FUNDC2: variants seen among roughly 807,000 people sequenced by gnomAD.
FUNDC2 encodes the protein FUN14 domain containing 2.
FUNDC2 carries 4 observed loss-of-function variants against 15.6 expected under a neutral mutation model. The observed-to-expected ratio is 0.26, with a 90% confidence interval of 0.13 to 0.59. The LOEUF is 0.59. Among genes scored for constraint, FUNDC2 ranks in the 20% least tolerant of loss-of-function variants. FUNDC2 has a pLI of 0.90. For missense variants in FUNDC2, 98 were observed against 149.7 expected, an observed-to-expected ratio of 0.65 and a Z score of 1.80; for synonymous variants, 44 against 56.9, an observed-to-expected ratio of 0.77 and a Z score of 1.02.
chrX:155,047,286 T>A, intron 3 of FUNDC2: 1 of 341,428 alleles, frequency 2.9e-6, no homozygotes, highest in Non-Finnish European at 5.9e-6. Context: ...ACTCCTGAGG[T>A]GATTCTGCTG....
At position 155,056,260 on chromosome X, in the gene FUNDC2, A is replaced by G. The variant is rs1293415350; in HGVS notation, c.*1588A>G. On this transcript the variant is annotated 3_prime_UTR_variant, in exon 5 of 5. Coordinates refer to ENST00000369498, the MANE Select transcript of FUNDC2 (RefSeq NM_023934.4). Reference sequence around the variant, plus strand: ...TCAAATTATAGCTCTGCTGGTTTTTACCAGTTATTGTGAAACAAATATCAA... The same window carrying G: ...TCAAATTATAGCTCTGCTGGTTTTTGCCAGTTATTGTGAAACAAATATCAA... The G allele has an allele frequency of 8.9e-6, 1 of 112,057 alleles. No individual in the cohort carries two copies. The highest frequency in any genetic ancestry group is 1.9e-5 in the Non-Finnish European group (1 of 53,214). 9.2% of individuals were successfully genotyped at this position (112,057 alleles called of 1,213,427 possible). A position where few individuals can be genotyped will look rare whatever the true frequency, so the allele number is the denominator to read the frequency against.
intron 2 of FUNDC2, among the ~76,000 whole-genome samples, chrX:155,040,635 T>G (rs1190891704): frequency 8.9e-6 from 1 of 112,273 alleles, no homozygotes; most frequent in African/African-American, 3.2e-5. Flanking sequence ...TGAATAATGC[T>G]GCTATGAACA....
At chrX:155,047,300 T>C (rs1220678564) in intron 3 of FUNDC2, 2 of 341,004 alleles carry the variant, frequency 5.9e-6, no homozygotes, top group African/African-American at 5.3e-5. Context: ...TCTGCTGTGC[T>C]GTGGGAGCCA....
Position 155,058,626 on chromosome X carries a change from C to G in FUNDC2, c.*3954C>G, listed in dbSNP as rs782680237. 66 of 110,186 alleles carry G rather than the reference C, an allele frequency of 6.0e-4. No homozygotes were observed. Among genetic ancestry groups the G allele is most frequent in the African/African-American group, 2.2e-3 (65 of 30,226 alleles). 9.1% of individuals were successfully genotyped at this position (110,186 alleles called of 1,213,427 possible). ...CAGCTTCATTTCTTTGTCATGAAAT[C>G]TAGTATGATTTCTCAGAAATCAGGC... On this transcript the variant is annotated 3_prime_UTR_variant, in exon 5 of 5. Coordinates refer to ENST00000369498, the MANE Select transcript of FUNDC2 (RefSeq NM_023934.4).
At chrX:155,027,231 G>A (rs2073796410) in intron 1 of FUNDC2, 160 bp downstream of exon 1, 7 of 526,177 alleles carry the variant, frequency 1.3e-5, no homozygotes, top group South Asian at 1.3e-4. Flanking sequence ...TGGCTCAGCC[G>A]CTCCCAGGGT....
rs1320899417 is a variant in FUNDC2, at chrX:155,056,932, G to A, written c.*2260G>A. 9.0e-6 allele frequency: 1 copy of A among 111,339 alleles called. No homozygotes were observed. The highest frequency in any genetic ancestry group is 1.9e-5 in the Non-Finnish European group (1 of 52,969). 9.2% of individuals were successfully genotyped at this position (111,339 alleles called of 1,213,427 possible). The stretch of plus-strand genomic sequence containing the variant: ...TCTGGCCTCAGACTGTATTCTGATT[G>A]TCTGAATTAAGATCTGTAGGTAGGT... On this transcript the variant is annotated 3_prime_UTR_variant, in exon 5 of 5. Coordinates refer to ENST00000369498, the MANE Select transcript of FUNDC2 (RefSeq NM_023934.4).
At position 155,042,457 on chromosome X, in the gene FUNDC2, G is replaced by A. The variant is rs925768125; in HGVS notation, c.285-4052G>A. 8.1e-5 allele frequency among the ~76,000 whole-genome samples: 9 copies of A among 110,658 alleles called. No individual in the cohort carries two copies. In the South Asian group the frequency reaches 1.2e-3, roughly 14 times the overall value. ...CTGCCTCAGCCTCCCAAAGTGCTGCGATTACAGGTGTGAGCCACCATGCCT... is the reference window on the plus strand; with the variant it reads ...CTGCCTCAGCCTCCCAAAGTGCTGCAATTACAGGTGTGAGCCACCATGCCT... On this transcript the variant is annotated intron_variant, in intron 2 of 4. Transcript: ENST00000369498.
At position 155,058,005 on chromosome X, in the gene FUNDC2, T is replaced by C. The variant is rs2073914145; in HGVS notation, c.*3333T>C. The C allele has an allele frequency of 9.0e-6, 1 of 111,167 alleles. No homozygotes were observed. The highest frequency in any genetic ancestry group is 1.9e-5 in the Non-Finnish European group (1 of 52,951). The allele number at this position is 111,167 out of a possible 1,213,427, so 9.2% of individuals were successfully genotyped here. On this transcript the variant is annotated 3_prime_UTR_variant, in exon 5 of 5. Coordinates refer to ENST00000369498, the MANE Select transcript of FUNDC2 (RefSeq NM_023934.4). ...TGGGGACCCTTGCCTGAGCAGCCCA[T>C]TGTCATGAGTGTTATTGCCATTGTG...
At position 155,054,465 on chromosome X, in the gene FUNDC2, G is replaced by A. The variant is rs782405114; in HGVS notation, c.493-130G>A. 260 of 1,123,939 alleles carry A rather than the reference G, an allele frequency of 2.3e-4. 2 individuals are homozygous for A. In the African/African-American group the frequency reaches 4.4e-3, roughly 19 times the overall value. The allele number at this position is 1,123,939 out of a possible 1,213,427, so 92.6% of individuals were successfully genotyped here. On this transcript the variant is annotated intron_variant, in intron 4 of 4. Transcript: ENST00000369498. The stretch of plus-strand genomic sequence containing the variant: ...TTAGTGTAAGTCCATTGCCCTTTGG[G>A]TAAAGTGCAAATTACGTAACCGATG...
rs1286941456 is a variant in FUNDC2, at chrX:155,053,641, C to T, written c.493-954C>T. 2.7e-5 allele frequency among the ~76,000 whole-genome samples: 3 copies of T among 110,583 alleles called. No homozygotes were observed. In the East Asian group the frequency reaches 8.4e-4, roughly 31 times the overall value. On this transcript the variant is annotated intron_variant, in intron 4 of 4. Transcript: ENST00000369498. ...GACATAGGCATCGTTGGAGTAAGGG[C>T]TTACTGGAGGGTTAGAAGACAGTGG...
chrX:155,050,860 C>T (rs1251560136), intron 3 of FUNDC2: 1 of 111,785 alleles, frequency 8.9e-6, no homozygotes, highest in African/African-American at 3.3e-5. Flanking sequence ...TTTCTCTAGT[C>T]TGTTTGGGTG....
At chrX:155,042,064 G>A (rs782817203) in intron 2 of FUNDC2, among the ~76,000 whole-genome samples, 732 of 67,958 alleles carry the variant, frequency 0.011, 5 homozygotes, top group Middle Eastern at 0.043. Context: ...GCGAGACTCC[G>A]TCTCAAAAAA....
chrX:155,035,456 A>G (rs782444533), intron 2 of FUNDC2, among the ~76,000 whole-genome samples: 1 of 112,126 alleles, frequency 8.9e-6, no homozygotes, highest in African/African-American at 3.2e-5. Context: ...ACATTTTTAC[A>G]TATGTACATG....
chrX:155,030,268 C>T (rs1312959546), intron 1 of FUNDC2, among the ~76,000 whole-genome samples: 2 of 105,004 alleles, frequency 1.9e-5, no homozygotes, highest in Non-Finnish European at 3.9e-5. Flanking sequence ...AGGTGGCTCA[C>T]ACTTGTAATC....
chrX:155,054,481 G>C, intron 4 of FUNDC2, 114 bp from the exon 5 acceptor site: 1 of 1,146,147 alleles, frequency 8.7e-7, no homozygotes. Flanking sequence ...TGCAAATTAC[G>C]TAACCGATGA....
At chrX:155,048,054 A>G (rs782361582) in intron 3 of FUNDC2, among the ~76,000 whole-genome samples, 38 of 111,495 alleles carry the variant, frequency 3.4e-4, no homozygotes, top group African/African-American at 1.2e-3. Context: ...AACTTCATAA[A>G]CATTTTAATA....
At chrX:155,054,172 C>G (rs2073886871) in intron 4 of FUNDC2, 1 of 753,915 alleles carries the variant, frequency 1.3e-6, no homozygotes, top group East Asian at 1.5e-4. Flanking sequence ...TGAGAAGCCT[C>G]TATTGGAGGG....
chrX:155,028,597 A>G (rs1236267768), intron 1 of FUNDC2, among the ~76,000 whole-genome samples: 2 of 112,501 alleles, frequency 1.8e-5, no homozygotes, highest in Non-Finnish European at 3.8e-5. Context: ...TTCTTGAATT[A>G]TATTTTGTGT....
intron 3 of FUNDC2, chrX:155,047,101 G>A (rs2073865209): frequency 4.2e-6 from 1 of 239,109 alleles, no homozygotes. Flanking sequence ...GAAAAAGGGA[G>A]CAGTTTCTCC....
Sources: gnomAD v4.1 joint callset for allele counts (sites outside exome capture counted in the v4.1 genomes callset) on GRCh38, gnomAD v4.1.1 for gene constraint, MANE v1.5 for transcripts, NCBI Gene and HGNC (gene_info 2026-07-23, HGNC 2026-07-21) for gene names.